NUP205: variants seen among roughly 807,000 people sequenced by gnomAD.
The protein encoded by NUP205 is nucleoporin 205.
Under a neutral mutation model 253.8 loss-of-function variants are expected in NUP205, and 76 were observed. The ratio of observed to expected loss-of-function variants is 0.30; its 90% CI spans 0.25 to 0.36. NUP205 has a LOEUF of 0.36. NUP205 is among the 10% of genes least tolerant of loss of function. The pLI is 1.00. For synonymous variants in NUP205, 832 were observed against 850.1 expected, an observed-to-expected ratio of 0.98 and a Z score of 0.37; for missense variants, 2,162 against 2,425.5, an observed-to-expected ratio of 0.89 and a Z score of 2.28.
At chr7:135,570,422 C>T (rs578038924) in intron 1 of NUP205, among the ~76,000 whole-genome samples, 149 of 151,446 alleles carry the variant, frequency 9.8e-4, no homozygotes, top group Non-Finnish European at 1.8e-3. Flanking sequence ...ACCATGTTGG[C>T]CAGGTTGGTC....
At chr7:135,571,321 C>CT (rs938982183) in intron 2 of NUP205, 74 bp downstream of exon 2, 5,247 of 874,746 alleles carry the variant, frequency 6.0e-3, no homozygotes, top group Non-Finnish European at 6.4e-3. Context: ...AAACTCTTTT[C>CT]TTTTTTTTTT....
intron 8 of NUP205, among the ~76,000 whole-genome samples, chr7:135,585,339 C>T (rs937521221): frequency 6.6e-6 from 1 of 152,008 alleles, no homozygotes; most frequent in Non-Finnish European, 1.5e-5. Flanking sequence ...GGAAATAAGT[C>T]CTCTTAACTG....
At chr7:135,571,321 CTTTT>C (rs938982183) in intron 2 of NUP205, 74 bp downstream of exon 2, 5 of 887,448 alleles carry the variant, frequency 5.6e-6, no homozygotes, top group Non-Finnish European at 7.4e-6. Flanking sequence ...AAACTCTTTT[CTTTT>C]TTTTTTAATT....
intron 35 of NUP205, among the ~76,000 whole-genome samples, chr7:135,634,844 A>T (rs889841227): frequency 6.6e-6 from 1 of 152,194 alleles, no homozygotes; most frequent in Non-Finnish European, 1.5e-5. Flanking sequence ...ACTTGTCATT[A>T]TGAGGAGAGA....
chr7:135,617,365 A>G, intron 26 of NUP205, 118 bp downstream of exon 26: 1 of 1,036,926 alleles, frequency 9.6e-7, no homozygotes. Context: ...TTAGTAGTTT[A>G]TAGGAAGGAC....
Position 135,630,413 on chromosome 7 carries a change from G to A in NUP205, c.5002G>A (p.Gly1668Arg), listed in dbSNP as rs1794686456. The A allele has an allele frequency of 6.2e-7, 1 of 1,610,848 alleles. No individual in the cohort carries two copies. Among genetic ancestry groups the A allele is most frequent in the African/African-American group, 1.3e-5 (1 of 74,816 alleles). ...TCTGCGCTGTCAGGATGTTAGTGCT[G>A]GGTCTTTGCAGGAATTGGCTCTGCT... ...AILRCQDVSA[G>R]SLQELALLTG... Residue 1668 changes from glycine (G) to arginine (R), a missense_variant, in exon 35 of 43, where the codon GGG becomes AGG. This residue lies in a region of NUP205 where 1,144 missense variants were observed against 1,280.9 expected (regional missense o/e 0.89). Coordinates refer to ENST00000285968, the MANE Select transcript of NUP205 (RefSeq NM_015135.3).
At chr7:135,646,287 G>A (rs367763690) in intron 42 of NUP205, 56 bp downstream of exon 42, 9 of 1,231,916 alleles carry the variant, frequency 7.3e-6, no homozygotes, top group East Asian at 2.3e-5. Context: ...AAAGGGCTGG[G>A]TGTGATGGTA....
intron 22 of NUP205, among the ~76,000 whole-genome samples, chr7:135,612,284 G>C (rs1444778010): frequency 1.3e-5 from 2 of 152,046 alleles, no homozygotes; most frequent in African/African-American, 4.8e-5. Flanking sequence ...CAAGTGTCTG[G>C]TTCCAACATT....
intron 17 of NUP205, among the ~76,000 whole-genome samples, chr7:135,602,577 G>A (rs752793042): frequency 5.3e-4 from 80 of 152,330 alleles, no homozygotes; most frequent in Admixed American, 1.0e-3. Flanking sequence ...TTTCTGGATT[G>A]CAAAATAACG....
rs202026292 is a variant in NUP205, at chr7:135,641,030, C to CA, written c.5393-2152dup. ...CAGTGAGCCAAGATCATGCCTCTAA[C>CA]AAAAAAAAAAGTTTGCTGCCAGGAA... On this transcript the variant is annotated intron_variant, in intron 38 of 42. Transcript: ENST00000285968. 1.3e-4 allele frequency among the ~76,000 whole-genome samples: 19 copies of CA among 146,128 alleles called. No individual in the cohort carries two copies. The East Asian group carries it at 1.8e-3, about 14-fold the overall frequency.
In NUP205 at chr7:135,593,151, T is replaced by C; in HGVS notation, c.1789T>C (p.Leu597=). 4.3e-6 allele frequency: 7 copies of C among 1,614,108 alleles called. No homozygotes were observed. Among genetic ancestry groups the C allele is most frequent in the Non-Finnish European group, 5.9e-6 (7 of 1,179,996 alleles). The change falls in exon 12 of 43, where the codon TTG becomes CTG. Residue 597 remains leucine (L), a synonymous_variant. Transcript: ENST00000285968. ...CATCACCCAGAAGGAGCAAGATGGA[T>C]TGATTGCTTTTTTGCAGCTCACGTC... is the stretch of plus-strand genomic sequence containing the variant. ...RGITQKEQDG[L]IAFLQLTSTI...
At chr7:135,600,760 A>G in intron 15 of NUP205, 110 bp from the exon 16 acceptor site, 2 of 565,616 alleles carry the variant, frequency 3.5e-6, no homozygotes, top group Non-Finnish European at 6.3e-6. Context: ...TAAAGTGGAC[A>G]AGAAACTTCA....
chr7:135,570,050 TATAGAGAGAGAGAG>T (rs1210099016), intron 1 of NUP205, among the ~76,000 whole-genome samples: 70 of 88,914 alleles, frequency 7.9e-4, no homozygotes, highest in African/African-American at 2.0e-3. Context: ...TATATATATA[TATAGAGAGAGAGAG>T]AGAGAGAGAG....
chr7:135,626,957 G>T (rs1482561696), intron 33 of NUP205, among the ~76,000 whole-genome samples: 1 of 152,138 alleles, frequency 6.6e-6, no homozygotes, highest in Non-Finnish European at 1.5e-5. Flanking sequence ...GGATCTATTA[G>T]CAACTTGAAT....
chr7:135,644,892 T>C lies in NUP205; in HGVS notation c.5560-3T>C, dbSNP rs2129492676. 2 of 1,613,236 alleles carry C rather than the reference T, an allele frequency of 1.2e-6. No homozygotes were observed. Among genetic ancestry groups the C allele is most frequent in the Non-Finnish European group, 1.7e-6 (2 of 1,179,762 alleles). ...ATTCTAATACCACATTTGTTTCTTCTAGTTGTGTCAGTCTGTGATGCCTGC... is the reference window on the plus strand; with the variant it reads ...ATTCTAATACCACATTTGTTTCTTCCAGTTGTGTCAGTCTGTGATGCCTGC... On this transcript the variant is annotated splice_polypyrimidine_tract_variant and splice_region_variant and intron_variant, in intron 39 of 42. Transcript: ENST00000285968.
chr7:135,570,300 G>A (rs1164518500), intron 1 of NUP205, among the ~76,000 whole-genome samples: 4 of 151,690 alleles, frequency 2.6e-5, no homozygotes, highest in African/African-American at 4.8e-5. Context: ...TGCAACCTCC[G>A]CCTCCTGGGT....
intron 31 of NUP205, among the ~76,000 whole-genome samples, chr7:135,624,797 G>A (rs1013487654): frequency 2.6e-5 from 4 of 152,020 alleles, no homozygotes; most frequent in African/African-American, 9.7e-5. Context: ...TTATTTTTCT[G>A]TGTTTTCTGT....
At chr7:135,602,489 A>G (rs1793986912) in intron 17 of NUP205, among the ~76,000 whole-genome samples, 1 of 152,206 alleles carries the variant, frequency 6.6e-6, no homozygotes, top group African/African-American at 2.4e-5. Context: ...GGGCTCAGCC[A>G]CCCCATTCTG....
chr7:135,600,998 G>A (rs1467802231), intron 16 of NUP205, 29 bp downstream of exon 16: 2 of 1,194,074 alleles, frequency 1.7e-6, no homozygotes, highest in African/African-American at 1.5e-5. Flanking sequence ...TTTCAAACAA[G>A]TTGTCAACTA....
Sources: allele counts gnomAD v4.1 joint callset (sites outside exome capture counted in the v4.1 genomes callset), GRCh38; gene constraint gnomAD v4.1.1; regional missense constraint gnomAD v4.1.1; transcripts MANE v1.5; gene names NCBI Gene and HGNC (gene_info 2026-07-23, HGNC 2026-07-21).